Variants in RBFOX1 observed in about 807,000 individuals in gnomAD.
RBFOX1 encodes RNA binding fox-1 homolog 1.
RBFOX1 carries 8 observed loss-of-function variants against 57.7 expected under a neutral mutation model. The observed-to-expected ratio is 0.14, with a 90% CI of 0.08 to 0.25. RBFOX1 has a LOEUF of 0.25. Among genes scored for constraint, RBFOX1 ranks in the 10% least tolerant of loss-of-function variants. The pLI, the probability that RBFOX1 is intolerant of heterozygous loss-of-function variation, is 1.00. For missense variants in RBFOX1, 611 were observed against 548.5 expected (o/e 1.11, Z -1.14); for synonymous variants, 326 against 222.4 (o/e 1.47, Z -4.15).
intron 1 of RBFOX1, among the ~76,000 whole-genome samples, chr16:5,279,334 T>G (rs1258939386): frequency 2.0e-5 from 3 of 151,892 alleles, no homozygotes; most frequent in Admixed American, 2.0e-4. Flanking sequence ...CTTGGGTAAG[T>G]TTATTCCTAG....
chr16:6,271,354 G>T (rs1355551595), intron 1 of RBFOX1, among the ~76,000 whole-genome samples: 2 of 152,176 alleles, frequency 1.3e-5, no homozygotes, highest in Admixed American at 6.5e-5. Context: ...AATCCAGGAG[G>T]TGGAGGTTGC....
intron 3 of RBFOX1, chr16:7,004,029 A>T (rs2093078475): frequency 6.6e-6 from 1 of 150,862 alleles, no homozygotes; most frequent in African/African-American, 2.4e-5. Context: ...CGCTTCACAA[A>T]TTTGCGTGCC....
intron 2 of RBFOX1, among the ~76,000 whole-genome samples, chr16:6,406,745 C>T (rs1317197587): frequency 6.6e-6 from 1 of 152,088 alleles, no homozygotes; most frequent in Non-Finnish European, 1.5e-5. Flanking sequence ...AAGCATGCAT[C>T]ATTGCAAAGG....
chr16:5,989,881 C>CACA (rs1596355221), intron 4 of RBFOX1, among the ~76,000 whole-genome samples: 2 of 35,518 alleles, frequency 5.6e-5, no homozygotes, highest in Admixed American at 2.8e-4. Context: ...CACACACACA[C>CACA]CACCCCTGTT....
At chr16:6,992,548 A>G (rs1342983421) in intron 3 of RBFOX1, among the ~76,000 whole-genome samples, 2 of 151,940 alleles carry the variant, frequency 1.3e-5, no homozygotes, top group African/African-American at 2.4e-5. Context: ...CATCCCTTCC[A>G]AGGTCAGCTT....
At chr16:6,903,513 T>C (rs547251296) in intron 3 of RBFOX1, among the ~76,000 whole-genome samples, 1 of 152,132 alleles carries the variant, frequency 6.6e-6, no homozygotes, top group African/African-American at 2.4e-5. Context: ...AAATACATGA[T>C]GTGGGGGAAG....
rs571278479 is a variant in RBFOX1 at position 7,707,999 on chromosome 16, G to A, written c.996-1057G>A. ...GGAAAATATCTGGCAGGGCAAACAA[G>A]TATGGGCACAGGATACGGTGGACCA... On this transcript the variant is annotated intron_variant, in intron 14 of 15. Coordinates refer to ENST00000550418, the MANE Select transcript of RBFOX1 (RefSeq NM_018723.4). 3.9e-5 allele frequency among the ~76,000 whole-genome samples: 6 copies of A among 152,280 alleles called. No homozygotes were observed. In the South Asian group the frequency reaches 6.2e-4, roughly 16 times the overall value.
chr16:6,795,271 T>A (rs967265519), intron 3 of RBFOX1, among the ~76,000 whole-genome samples: 2 of 152,106 alleles, frequency 1.3e-5, no homozygotes, highest in African/African-American at 4.8e-5. Flanking sequence ...TCAAGTCACC[T>A]TGATAGAAGG....
intron 4 of RBFOX1, among the ~76,000 whole-genome samples, chr16:7,290,121 T>C (rs567357996): frequency 2.0e-4 from 30 of 152,302 alleles, no homozygotes; most frequent in Non-Finnish European, 3.7e-4. Context: ...TAGAAATAAA[T>C]GTTACAGAAA....
At chr16:6,547,701 A>T (rs1391037236) in intron 2 of RBFOX1, among the ~76,000 whole-genome samples, 1 of 152,114 alleles carries the variant, frequency 6.6e-6, no homozygotes, top group Non-Finnish European at 1.5e-5. Context: ...GATCTTTGTA[A>T]AGCAGAGATC....
At chr16:6,287,276 G>T (rs556609531) in intron 1 of RBFOX1, among the ~76,000 whole-genome samples, 1 of 152,132 alleles carries the variant, frequency 6.6e-6, no homozygotes, top group African/African-American at 2.4e-5. Flanking sequence ...AATGGCCAAC[G>T]AGTGCCACCA....
intron 2 of RBFOX1, among the ~76,000 whole-genome samples, chr16:6,650,064 A>T (rs1007415593): frequency 6.6e-6 from 1 of 152,118 alleles, no homozygotes; most frequent in African/African-American, 2.4e-5. Flanking sequence ...TACGGATTTC[A>T]TTTCCTTTGA....
chr16:5,972,671 T>G (rs528134077), intron 4 of RBFOX1, among the ~76,000 whole-genome samples: 4 of 152,168 alleles, frequency 2.6e-5, no homozygotes, highest in African/African-American at 7.2e-5. Flanking sequence ...GTCCTGTTCA[T>G]TATTTGACCT....
chr16:5,490,134 C>G (rs1305085422), intron 2 of RBFOX1, among the ~76,000 whole-genome samples: 1 of 152,166 alleles, frequency 6.6e-6, no homozygotes, highest in Non-Finnish European at 1.5e-5. Context: ...GAAAGGGTGA[C>G]TTTTATTTTC....
intron 1 of RBFOX1, among the ~76,000 whole-genome samples, chr16:6,193,612 C>T (rs1189753272): frequency 6.6e-6 from 1 of 151,468 alleles, no homozygotes; most frequent in Non-Finnish European, 1.5e-5. Context: ...CACAATAAAA[C>T]AGGCAAAGCA....
intron 3 of RBFOX1, among the ~76,000 whole-genome samples, chr16:5,736,730 C>A (rs1476421611): frequency 1.3e-5 from 2 of 152,046 alleles, no homozygotes; most frequent in East Asian, 3.9e-4. Flanking sequence ...CCCCTCCCCT[C>A]TCTCCATCTG....
intron 1 of RBFOX1, among the ~76,000 whole-genome samples, chr16:6,214,764 G>GGA (rs371110444): frequency 3.1e-5 from 3 of 96,632 alleles, no homozygotes; most frequent in Admixed American, 2.2e-4. Context: ...GGAGAGAGAA[G>GGA]GAGAGAGAGA....
chr16:5,416,468 G>A (rs910748214), intron 1 of RBFOX1, among the ~76,000 whole-genome samples: 1 of 152,154 alleles, frequency 6.6e-6, no homozygotes, highest in African/African-American at 2.4e-5. Flanking sequence ...TTGGGCAGAA[G>A]TGATGATTTC....
intron 3 of RBFOX1, among the ~76,000 whole-genome samples, chr16:5,805,227 C>A (rs1415540370): frequency 6.6e-6 from 1 of 151,988 alleles, no homozygotes; most frequent in Non-Finnish European, 1.5e-5. Context: ...GGAATAGAGC[C>A]TGGATTAAAA....
Sources: allele counts gnomAD v4.1 joint callset (sites outside exome capture counted in the v4.1 genomes callset), GRCh38; gene constraint gnomAD v4.1.1; transcripts MANE v1.5; gene names NCBI Gene and HGNC (gene_info 2026-07-23, HGNC 2026-07-21).